PLXNA4: variants seen among roughly 807,000 people sequenced by gnomAD.
The protein encoded by PLXNA4 is plexin A4, also known as plexin-A4.
PLXNA4 carries 44 observed loss-of-function variants against 191.8 expected under a neutral mutation model. The observed-to-expected ratio is 0.23, with a 90% CI of 0.18 to 0.29. PLXNA4 has a LOEUF of 0.29. Among genes scored for constraint, PLXNA4 ranks in the 10% least tolerant of loss-of-function variants. The pLI is 1.00. For missense variants in PLXNA4, 1,800 were observed against 2,488.8 expected (o/e 0.72, Z 5.89); for synonymous variants, 1,082 against 1,009.5 (o/e 1.07, Z -1.36).
At chr7:132,377,217 A>T (rs1298408822) in intron 3 of PLXNA4, among the ~76,000 whole-genome samples, 4 of 152,102 alleles carry the variant, frequency 2.6e-5, no homozygotes. Context: ...GTTGGAAAAA[A>T]CCCAGATTCC....
At chr7:132,175,588 T>C (rs1317468590) in intron 20 of PLXNA4, among the ~76,000 whole-genome samples, 1 of 152,228 alleles carries the variant, frequency 6.6e-6, no homozygotes, top group Non-Finnish European at 1.5e-5. Flanking sequence ...CTGCTGTGTG[T>C]GGCGGCAGCT....
At chr7:132,213,904 C>T (rs1797881975) in intron 9 of PLXNA4, among the ~76,000 whole-genome samples, 1 of 152,212 alleles carries the variant, frequency 6.6e-6, no homozygotes. Flanking sequence ...CACATGTTGC[C>T]ACTGAGAAAT....
chr7:132,474,717 T>G (rs1429502235), intron 3 of PLXNA4, among the ~76,000 whole-genome samples: 1 of 152,178 alleles, frequency 6.6e-6, no homozygotes. Context: ...CTGTTTCCCC[T>G]GCAGAGCCCC....
At chr7:132,345,897 TCTC>T (rs1803227439) in intron 3 of PLXNA4, among the ~76,000 whole-genome samples, 1 of 152,138 alleles carries the variant, frequency 6.6e-6, no homozygotes, top group Non-Finnish European at 1.5e-5. Flanking sequence ...GACTCCCCCT[TCTC>T]CTCTACTGTT....
intron 12 of PLXNA4, among the ~76,000 whole-genome samples, chr7:132,199,666 A>G (rs1179114192): frequency 6.6e-6 from 1 of 152,148 alleles, no homozygotes; most frequent in Admixed American, 6.5e-5. Context: ...CCTTTTCAGC[A>G]TATCCAACTC....
At chr7:132,563,519 GCTC>G (rs1266883843) in intron 1 of PLXNA4, among the ~76,000 whole-genome samples, 1 of 11,046 alleles carries the variant, frequency 9.1e-5, no homozygotes, top group Non-Finnish European at 2.6e-4. Context: ...TCCTCCTGCT[GCTC>G]CTCCTCCTCT....
chr7:132,207,586 G>A (rs1225795308), intron 10 of PLXNA4, among the ~76,000 whole-genome samples: 2 of 152,212 alleles, frequency 1.3e-5, no homozygotes, highest in African/African-American at 4.8e-5. Context: ...CTCAAGGCCT[G>A]TCCCCGCATA....
At chr7:132,240,514 T>C (rs1798840814) in intron 5 of PLXNA4, among the ~76,000 whole-genome samples, 1 of 152,182 alleles carries the variant, frequency 6.6e-6, no homozygotes, top group Non-Finnish European at 1.5e-5. Context: ...AGCTAATGGG[T>C]GTTTGGCAGC....
intron 10 of PLXNA4, among the ~76,000 whole-genome samples, chr7:132,205,085 C>T (rs1797570742): frequency 6.6e-6 from 1 of 152,226 alleles, no homozygotes; most frequent in Non-Finnish European, 1.5e-5. Flanking sequence ...TCCGAGCTCA[C>T]AGAGTAAAGC....
At chr7:132,292,448 C>T (rs531946519) in intron 4 of PLXNA4, among the ~76,000 whole-genome samples, 108 of 152,252 alleles carry the variant, frequency 7.1e-4, no homozygotes, top group African/African-American at 2.3e-3. Flanking sequence ...GGGTTGCTGA[C>T]GAATCAAAGT....
chr7:132,203,260 C>T, intron 11 of PLXNA4, 63 bp downstream of exon 11: 3 of 1,465,670 alleles, frequency 2.0e-6, no homozygotes, highest in Non-Finnish European at 2.9e-6. Context: ...TGCAGGACGG[C>T]TCCTTCCCTC....
intron 2 of PLXNA4, among the ~76,000 whole-genome samples, chr7:132,495,940 T>A (rs1263864742): frequency 6.6e-6 from 1 of 152,232 alleles, no homozygotes; most frequent in Admixed American, 6.5e-5. Context: ...AAAAACCTAC[T>A]AAGCCCCAAG....
intron 2 of PLXNA4, among the ~76,000 whole-genome samples, chr7:132,625,539 C>G (rs956322405): frequency 6.6e-6 from 1 of 152,192 alleles, no homozygotes; most frequent in Admixed American, 6.5e-5. Context: ...GAGAGACCAT[C>G]ACAGAAAGCA....
chr7:132,149,983 C>A (rs1455806808), intron 25 of PLXNA4, among the ~76,000 whole-genome samples: 1 of 152,210 alleles, frequency 6.6e-6, no homozygotes, highest in East Asian at 1.9e-4. Context: ...AAATCTAAGC[C>A]CCTTGCCTCC....
chr7:132,185,107 T>C (rs777767163), intron 16 of PLXNA4, among the ~76,000 whole-genome samples, 192 bp downstream of exon 16: 2 of 152,184 alleles, frequency 1.3e-5, no homozygotes, highest in African/African-American at 2.4e-5. Flanking sequence ...AGGCTGGGTT[T>C]GGCACAGAGG....
intron 2 of PLXNA4, among the ~76,000 whole-genome samples, chr7:132,615,927 A>G (rs1585407122): frequency 1.2e-5 from 1 of 83,674 alleles, no homozygotes; most frequent in African/African-American, 4.0e-5. Flanking sequence ...CAGATAAAGG[A>G]TCTCTCTCTC....
intron 1 of PLXNA4, among the ~76,000 whole-genome samples, chr7:132,562,957 C>T (rs1194662027): frequency 3.5e-4 from 7 of 20,096 alleles, no homozygotes; most frequent in Non-Finnish European, 7.3e-4. Context: ...CTCCTCCTCT[C>T]CCTCCTCCTC....
Position 132,298,204 on chromosome 7 carries a change from T to G in PLXNA4, c.1390A>C (p.Arg464=). 3 of 1,613,816 alleles carry G rather than the reference T, an allele frequency of 1.9e-6. No homozygotes were observed. Among genetic ancestry groups the G allele is most frequent in the Non-Finnish European group, 1.7e-6 (2 of 1,179,852 alleles). Residue 464 remains arginine, a synonymous_variant, in exon 4 of 32, where the codon AGG becomes CGG. Coordinates refer to ENST00000321063, the MANE Select transcript of PLXNA4 (RefSeq NM_020911.2). ...GTCTCATACTGGAGGGCGTTGCCCC[T>G]GGGTCCATCCACCCGGATCTGTGGA... The part of the protein sequence containing the change: ...KLKKIRVDGP[R]GNALQYETVQ...
chr7:132,468,226 G>GACAC, intron 3 of PLXNA4, among the ~76,000 whole-genome samples: 1 of 151,970 alleles, frequency 6.6e-6, no homozygotes, highest in East Asian at 1.9e-4. Flanking sequence ...GGCTTTAAAT[G>GACAC]ACACACACAC....
Sources: gnomAD v4.1 joint callset for allele counts (sites outside exome capture counted in the v4.1 genomes callset) on GRCh38, gnomAD v4.1.1 for gene constraint, MANE v1.5 for transcripts, NCBI Gene and HGNC (gene_info 2026-07-23, HGNC 2026-07-21) for gene names.